The following FCHSD2 variants were observed in gnomAD, a reference collection of about 807,000 sequenced individuals.
The protein encoded by FCHSD2 is FCH and double SH3 domains 2, also known as F-BAR and double SH3 domains protein 2.
FCHSD2 carries 38 observed loss-of-function variants against 108.1 expected under a neutral mutation model. The observed-to-expected ratio is 0.35, with a 90% CI of 0.27 to 0.46. The LOEUF (loss-of-function observed/expected upper bound fraction) is 0.46. Ranked by LOEUF, FCHSD2 falls within the 20% of genes least tolerant of loss-of-function variation. The pLI, the probability that FCHSD2 is intolerant of heterozygous loss-of-function variation, is 1.00. For missense variants in FCHSD2, 751 were observed against 897.8 expected (o/e 0.84, Z 2.09); for synonymous variants, 279 against 314.7 (o/e 0.89, Z 1.20).
chr11:73,041,540 T>TG (rs1858638975), intron 3 of FCHSD2, among the ~76,000 whole-genome samples: 2 of 152,180 alleles, frequency 1.3e-5, no homozygotes, highest in South Asian at 4.1e-4. Context: ...TTTTGAGAAA[T>TG]GTCTATTCAT....
intron 3 of FCHSD2, among the ~76,000 whole-genome samples, chr11:73,042,534 T>C (rs1439472846): frequency 6.6e-6 from 1 of 152,210 alleles, no homozygotes; most frequent in Non-Finnish European, 1.5e-5. Context: ...TTGCTTTGGC[T>C]ATTGAGGTCT....
chr11:72,963,149 A>G (rs1048994750), intron 8 of FCHSD2, among the ~76,000 whole-genome samples: 1 of 152,218 alleles, frequency 6.6e-6, no homozygotes, highest in Non-Finnish European at 1.5e-5. Flanking sequence ...TTTTAAAAAA[A>G]TATTGTCTTT....
intron 2 of FCHSD2, among the ~76,000 whole-genome samples, chr11:73,093,466 G>A (rs370364523): frequency 2.4e-3 from 361 of 152,194 alleles, no homozygotes; most frequent in Non-Finnish European, 3.9e-3. Context: ...AGGGATTCTC[G>A]AACTTACAGC....
intron 3 of FCHSD2, among the ~76,000 whole-genome samples, chr11:73,028,755 T>C (rs1591494183): frequency 1.3e-5 from 2 of 152,298 alleles, no homozygotes; most frequent in South Asian, 4.1e-4. Flanking sequence ...GATTGGATCA[T>C]GAGGGCAGAT....
intron 13 of FCHSD2, among the ~76,000 whole-genome samples, chr11:72,858,745 A>G (rs1861493182): frequency 6.6e-6 from 1 of 152,224 alleles, no homozygotes; most frequent in Non-Finnish European, 1.5e-5. Context: ...CAAACCTGCA[A>G]TTATATCCCT....
intron 3 of FCHSD2, among the ~76,000 whole-genome samples, chr11:73,073,690 T>C (rs1474831151): frequency 1.3e-5 from 2 of 152,250 alleles, no homozygotes; most frequent in African/African-American, 4.8e-5. Flanking sequence ...GTAATAATTC[T>C]ATAAAATTAT....
intron 9 of FCHSD2, among the ~76,000 whole-genome samples, chr11:72,914,158 A>G (rs987504767): frequency 1.3e-4 from 20 of 151,884 alleles, no homozygotes; most frequent in Non-Finnish European, 2.6e-4. Context: ...GGGACTACAG[A>G]CATGTGCCAC....
intron 12 of FCHSD2, among the ~76,000 whole-genome samples, chr11:72,872,181 C>G (rs1156656603): frequency 1.3e-5 from 2 of 151,666 alleles, no homozygotes; most frequent in Non-Finnish European, 2.9e-5. Flanking sequence ...AATACTCTTG[C>G]AAAAATCTGC....
At chr11:72,870,899 C>CAAAAAAAAA (rs55827213) in intron 12 of FCHSD2, among the ~76,000 whole-genome samples, 2 of 77,018 alleles carry the variant, frequency 2.6e-5, no homozygotes, top group Non-Finnish European at 4.6e-5. Flanking sequence ...GACTCCGTCT[C>CAAAAAAAAA]AAAAAAAAAA....
chr11:73,110,591 T>A (rs1565095411), intron 2 of FCHSD2, among the ~76,000 whole-genome samples: 5 of 152,112 alleles, frequency 3.3e-5, no homozygotes, highest in Admixed American at 6.5e-5. Flanking sequence ...GTCTATCTAA[T>A]GTTTGTTGAT....
At chr11:72,870,010 CT>C (rs1005568214) in intron 12 of FCHSD2, among the ~76,000 whole-genome samples, 1 of 152,170 alleles carries the variant, frequency 6.6e-6, no homozygotes, top group African/African-American at 2.4e-5. Context: ...CCACACCCCC[CT>C]ATGCTCCCAC....
At chr11:73,081,679 AC>A (rs1279544410) in intron 3 of FCHSD2, among the ~76,000 whole-genome samples, 1 of 152,128 alleles carries the variant, frequency 6.6e-6, no homozygotes, top group African/African-American at 2.4e-5. Flanking sequence ...AGCATGTGCC[AC>A]TGCACTTGGC....
intron 13 of FCHSD2, among the ~76,000 whole-genome samples, chr11:72,865,727 A>C (rs953075975): frequency 2.6e-5 from 4 of 151,790 alleles, no homozygotes; most frequent in African/African-American, 9.7e-5. Flanking sequence ...TCAAAGAATC[A>C]TGAGATTCTG....
At chr11:72,846,626 G>A (rs1861151436) in intron 14 of FCHSD2, among the ~76,000 whole-genome samples, 2 of 152,152 alleles carry the variant, frequency 1.3e-5, no homozygotes, top group Non-Finnish European at 2.9e-5. Context: ...ACAGTGAGCA[G>A]TAAATGGTTA....
At chr11:72,959,884 G>GTT (rs1452452810) in intron 8 of FCHSD2, among the ~76,000 whole-genome samples, 1 of 151,190 alleles carries the variant, frequency 6.6e-6, no homozygotes, top group South Asian at 2.1e-4. Context: ...GTGTGTGTGT[G>GTT]TATGTGTGAT....
chr11:73,022,469 C>T (rs1178549677), intron 3 of FCHSD2, among the ~76,000 whole-genome samples: 1 of 152,100 alleles, frequency 6.6e-6, no homozygotes, highest in East Asian at 1.9e-4. Context: ...TACATACATG[C>T]AATGAACAAC....
intron 13 of FCHSD2, among the ~76,000 whole-genome samples, chr11:72,867,154 A>G (rs1452396056): frequency 6.6e-6 from 1 of 152,246 alleles, no homozygotes; most frequent in Non-Finnish European, 1.5e-5. Context: ...GATGACAGAG[A>G]GTAATGGGTG....
In FCHSD2 at chr11:72,950,428, A is replaced by AT. The variant is rs781536890; in HGVS notation, c.706-28479dup. Among the ~76,000 whole-genome samples the AT allele has an allele frequency of 4.8e-4, 70 of 146,500 alleles. No individual in the cohort carries two copies. In the South Asian group the frequency reaches 6.0e-3, roughly 13 times the overall value. On this transcript the variant is annotated intron_variant, in intron 8 of 19. Transcript: ENST00000409418. The stretch of plus-strand genomic sequence containing the variant: ...CTATTCTAAGTTAACATAGACTTGC[A>AT]TTTTTTTTTTCCCTCAAAGAGTTTT...
At chr11:72,913,772 T>C (rs1855811693) in intron 9 of FCHSD2, among the ~76,000 whole-genome samples, 2 of 149,416 alleles carry the variant, frequency 1.3e-5, no homozygotes, top group South Asian at 4.2e-4. Flanking sequence ...GAGAGCCAAA[T>C]TACTAATGGA....
Sources: allele counts gnomAD v4.1 joint callset (sites outside exome capture counted in the v4.1 genomes callset), GRCh38; gene constraint gnomAD v4.1.1; transcripts MANE v1.5; gene names NCBI Gene and HGNC (gene_info 2026-07-23, HGNC 2026-07-21).